The following PMFBP1 variants were observed in gnomAD, a reference collection of about 807,000 sequenced individuals.
The protein encoded by PMFBP1 is polyamine-modulated factor 1-binding protein 1.
PMFBP1 carries 131 observed loss-of-function variants against 137.8 expected under a neutral mutation model. The ratio of observed to expected loss-of-function variants is 0.95; its 90% confidence interval spans 0.82 to 1.10. The LOEUF (loss-of-function observed/expected upper bound fraction) is 1.10, where lower values mean the gene tolerates loss of function less well. Among genes scored for constraint, PMFBP1 ranks in the 50% least tolerant of loss-of-function variants. The pLI is 0.00. For synonymous variants in PMFBP1, 490 were observed against 450.4 expected, an observed-to-expected ratio of 1.09 and a Z score of -1.11; for missense variants, 1,199 against 1,175.4, an observed-to-expected ratio of 1.02 and a Z score of -0.29.
chr16:72,143,292 T>A (rs2042750702), intron 5 of PMFBP1, among the ~76,000 whole-genome samples: 1 of 152,212 alleles, frequency 6.6e-6, no homozygotes, highest in African/African-American at 2.4e-5. Context: ...TCCACTTTGC[T>A]CTAGAGATGC....
chr16:72,152,467 G>C (rs1345809848), intron 4 of PMFBP1, among the ~76,000 whole-genome samples: 1 of 152,116 alleles, frequency 6.6e-6, no homozygotes, highest in African/African-American at 2.4e-5. Context: ...GTGGCTTCCG[G>C]AAAGTGTCCT....
chr16:72,150,376 T>C (rs1203163730), intron 5 of PMFBP1, among the ~76,000 whole-genome samples: 4 of 152,186 alleles, frequency 2.6e-5, no homozygotes. Context: ...TTTGGCGTTA[T>C]TTGAAGTGGT....
upstream of PMFBP1, among the ~76,000 whole-genome samples, chr16:72,180,513 A>G (rs2043272460): frequency 6.6e-6 from 1 of 152,084 alleles, no homozygotes; most frequent in Non-Finnish European, 1.5e-5. Context: ...TTTCTCCCCA[A>G]CCAAAAGGGT....
the PMFBP1 span, among the ~76,000 whole-genome samples, chr16:72,187,771 A>G: frequency 6.6e-6 from 1 of 152,218 alleles, no homozygotes; most frequent in East Asian, 1.9e-4. Flanking sequence ...TTGGCTGTTA[A>G]TAGAGTTGCT....
chr16:72,139,486 C>T (rs565358804), intron 6 of PMFBP1, 87 bp from the exon 7 acceptor site: 3 of 1,061,830 alleles, frequency 2.8e-6, no homozygotes, highest in Admixed American at 2.0e-5. Context: ...TTCCTTTCTG[C>T]AGCATAAGTT....
the PMFBP1 span, among the ~76,000 whole-genome samples, chr16:72,199,822 T>C: frequency 6.6e-6 from 1 of 152,142 alleles, no homozygotes; most frequent in Non-Finnish European, 1.5e-5. Flanking sequence ...ATTGTTCTAA[T>C]GCTGCACTGG....
chr16:72,249,633 C>G, the PMFBP1 span, among the ~76,000 whole-genome samples: 1 of 151,696 alleles, frequency 6.6e-6, no homozygotes, highest in South Asian at 2.1e-4. Flanking sequence ...AATCATGCAT[C>G]AGGCCGGGTG....
intron 5 of PMFBP1, among the ~76,000 whole-genome samples, chr16:72,149,975 C>A (rs551673655): frequency 6.6e-6 from 1 of 152,270 alleles, no homozygotes; most frequent in South Asian, 2.1e-4. Context: ...AGGTTGAAGG[C>A]AGACTTTCAT....
At chr16:72,222,296 A>T in the PMFBP1 span, among the ~76,000 whole-genome samples, 1 of 152,290 alleles carries the variant, frequency 6.6e-6, no homozygotes, top group South Asian at 2.1e-4. Flanking sequence ...TAAACCTAAG[A>T]TCAGTGCAGC....
At chr16:72,242,709 A>G in the PMFBP1 span, among the ~76,000 whole-genome samples, 2 of 152,268 alleles carry the variant, frequency 1.3e-5, no homozygotes, top group South Asian at 4.1e-4. Context: ...GTCACAATAT[A>G]ATGCTAACCA....
At chr16:72,175,273 C>A (rs765139804), upstream of PMFBP1, among the ~76,000 whole-genome samples, 4 of 152,234 alleles carry the variant, frequency 2.6e-5, no homozygotes, top group Non-Finnish European at 5.9e-5. Context: ...TTACCCTATT[C>A]CTCCTCTTTC....
At chr16:72,157,029 T>TA (rs1051813073) in intron 3 of PMFBP1, among the ~76,000 whole-genome samples, 15 of 145,520 alleles carry the variant, frequency 1.0e-4, no homozygotes, top group East Asian at 2.0e-4. Context: ...CTACTAAAAA[T>TA]AAAAAAAAAA....
At chr16:72,124,679 C>A in intron 17 of PMFBP1, 88 bp downstream of exon 17, 1 of 1,491,574 alleles carries the variant, frequency 6.7e-7, no homozygotes, top group Non-Finnish European at 9.1e-7. Context: ...CTCTCCCACC[C>A]CCACCAAGGG....
chr16:72,157,913 AGATGGTGGGACAT>A (rs2043006607), intron 3 of PMFBP1, among the ~76,000 whole-genome samples: 1 of 152,164 alleles, frequency 6.6e-6, no homozygotes, highest in South Asian at 2.1e-4. Flanking sequence ...GTTACAGGTT[AGATGGTGGGACAT>A]GATGGTCATC....
chr16:72,231,785 A>G, the PMFBP1 span, among the ~76,000 whole-genome samples: 1 of 152,174 alleles, frequency 6.6e-6, no homozygotes, highest in African/African-American at 2.4e-5. Context: ...CTTAATTTTT[A>G]TATGTGTTTT....
chr16:72,120,288 G>A (rs8050238), intron 19 of PMFBP1, 199 bp from the exon 20 acceptor site: 232,441 of 845,172 alleles, frequency 0.28, 35,308 homozygotes, highest in African/African-American at 0.53. Context: ...TGGGGTCTGA[G>A]TGGACCAGGA....
chr16:72,123,493 C>A, intron 18 of PMFBP1, 53 bp downstream of exon 18: 2 of 1,540,924 alleles, frequency 1.3e-6, no homozygotes, highest in Non-Finnish European at 1.8e-6. Flanking sequence ...CATGTGGCTC[C>A]TCGGCTCAGT....
intron 12 of PMFBP1, 62 bp downstream of exon 12, chr16:72,130,151 A>C: frequency 8.2e-6 from 13 of 1,592,804 alleles, no homozygotes; most frequent in Non-Finnish European, 1.0e-5. Flanking sequence ...CACTGCTCCT[A>C]GTCTGTGTTT....
chr16:72,142,578 A>G (rs1001948589), intron 5 of PMFBP1, among the ~76,000 whole-genome samples: 2 of 152,226 alleles, frequency 1.3e-5, no homozygotes, highest in Non-Finnish European at 2.9e-5. Context: ...AAGTTTGTAT[A>G]TCCAGCCAAA....
Sources: allele counts gnomAD v4.1 joint callset (sites outside exome capture counted in the v4.1 genomes callset), GRCh38; gene constraint gnomAD v4.1.1; transcripts MANE v1.5; gene names NCBI Gene and HGNC (gene_info 2026-07-23, HGNC 2026-07-21).